Variants in NDUFAF6 observed in about 807,000 individuals in gnomAD.
NDUFAF6 encodes the protein NADH dehydrogenase (ubiquinone) complex I, assembly factor 6.
A neutral mutation model predicts 40.8 loss-of-function variants in NDUFAF6; 45 were observed. The observed-to-expected ratio is 1.10, with a 90% CI of 0.87 to 1.42. The LOEUF is 1.42. NDUFAF6 is among the 40% of genes most tolerant of loss of function. NDUFAF6 has a pLI of 0.00. For synonymous variants in NDUFAF6, 185 were observed against 155.9 expected, an observed-to-expected ratio of 1.19 and a Z score of -1.39; for missense variants, 435 against 418.5, an observed-to-expected ratio of 1.04 and a Z score of -0.34.
At chr8:94,977,023 C>T (rs2131560033) in intron 1 of NDUFAF6, among the ~76,000 whole-genome samples, 1 of 151,412 alleles carries the variant, frequency 6.6e-6, no homozygotes, top group South Asian at 2.1e-4. Flanking sequence ...TGGTGGCACA[C>T]ACCTGTGGTC....
intron 2 of NDUFAF6, among the ~76,000 whole-genome samples, chr8:95,082,413 G>GAGA (rs1808900400): frequency 6.6e-6 from 1 of 152,184 alleles, no homozygotes; most frequent in Non-Finnish European, 1.5e-5. Context: ...GGAGTAAATA[G>GAGA]AGAGGCCCTG....
chr8:94,977,377 G>A (rs1825049557), intron 1 of NDUFAF6, among the ~76,000 whole-genome samples: 1 of 151,738 alleles, frequency 6.6e-6, no homozygotes, highest in Non-Finnish European at 1.5e-5. Context: ...AGCTGGGTGT[G>A]GTGGCACACA....
rs1810087931 is a variant in NDUFAF6, at chr8:95,114,609, G to A, written n.345-927G>A. Among the ~76,000 whole-genome samples, 6 of 152,172 alleles carry A rather than the reference G, an allele frequency of 3.9e-5. No homozygotes were observed. In the South Asian group the frequency reaches 6.2e-4, roughly 16 times the overall value. ...CAAAAGCTGAGCTATTTCAGTGACT[G>A]TACTTATGAGTCATCTTGCTGACTT... On this transcript the variant is annotated intron_variant and non_coding_transcript_variant, in intron 4 of 5. Transcript: ENST00000523184.
chr8:95,043,568 A>G (rs577638752), intron 4 of NDUFAF6, among the ~76,000 whole-genome samples: 16 of 152,228 alleles, frequency 1.1e-4, no homozygotes, highest in Non-Finnish European at 2.1e-4. Context: ...AAAATGGGGA[A>G]AGGATTTGAG....
At chr8:95,006,466 A>T (rs1826991680) in intron 2 of NDUFAF6, among the ~76,000 whole-genome samples, 1 of 152,026 alleles carries the variant, frequency 6.6e-6, no homozygotes, top group Non-Finnish European at 1.5e-5. Flanking sequence ...AGACTCCAGG[A>T]CTTGGTGTCC....
chr8:94,971,298 A>G (rs939858291), intron 1 of NDUFAF6, among the ~76,000 whole-genome samples: 3 of 152,206 alleles, frequency 2.0e-5, no homozygotes, highest in Admixed American at 6.5e-5. Flanking sequence ...CTTGACTCCA[A>G]AGGAATGAAA....
intron 2 of NDUFAF6, among the ~76,000 whole-genome samples, chr8:94,995,503 C>T (rs991538211): frequency 1.3e-5 from 2 of 152,098 alleles, no homozygotes; most frequent in African/African-American, 4.8e-5. Flanking sequence ...GTGGCTTGCA[C>T]CTGTAATCCC....
intron 1 of NDUFAF6, among the ~76,000 whole-genome samples, chr8:94,920,521 G>C (rs1204701584): frequency 6.6e-6 from 1 of 152,222 alleles, no homozygotes; most frequent in East Asian, 1.9e-4. Flanking sequence ...CACTGGAGCA[G>C]TGATTGCAGT....
intron 2 of NDUFAF6, among the ~76,000 whole-genome samples, chr8:95,010,925 G>A (rs1344839420): frequency 2.6e-5 from 4 of 152,236 alleles, no homozygotes; most frequent in Non-Finnish European, 5.9e-5. Context: ...AATCAGACTT[G>A]ATGAAGACTC....
downstream of NDUFAF6, among the ~76,000 whole-genome samples, chr8:95,080,494 G>GGTAGTGTATTTTT (rs1808803005): frequency 7.1e-6 from 1 of 140,126 alleles, no homozygotes; most frequent in African/African-American, 2.7e-5. Context: ...AGTGATTTTT[G>GGTAGTGTATTTTT]GTAGTGATTT....
chr8:94,904,859 C>T (rs1818287386), intron 1 of NDUFAF6, among the ~76,000 whole-genome samples: 1 of 151,852 alleles, frequency 6.6e-6, no homozygotes. Flanking sequence ...ACTGTCATTG[C>T]CTTATTACAT....
chr8:94,946,718 A>AAAAAAAAAAAAAAAAAAAAAAAAAAAC (rs1822048638), intron 2 of NDUFAF6, among the ~76,000 whole-genome samples: 1 of 149,676 alleles, frequency 6.7e-6, no homozygotes, highest in Non-Finnish European at 1.5e-5. Flanking sequence ...AAAAAAAAAA[A>AAAAAAAAAAAAAAAAAAAAAAAAAAAC]AAGACAGGCC....
intron 2 of NDUFAF6, among the ~76,000 whole-genome samples, chr8:94,992,758 T>A (rs902280320): frequency 2.0e-5 from 3 of 152,220 alleles, no homozygotes; most frequent in Non-Finnish European, 4.4e-5. Context: ...AACATTCTTT[T>A]GGTTCGCTCA....
chr8:95,032,271 C>T (rs1467151773), intron 2 of NDUFAF6, among the ~76,000 whole-genome samples, 177 bp downstream of exon 2: 1 of 152,182 alleles, frequency 6.6e-6, no homozygotes. Flanking sequence ...AAAAATAAAA[C>T]TATCTAATGA....
intron 9 of NDUFAF6, among the ~76,000 whole-genome samples, chr8:95,072,473 T>C (rs1832898802): frequency 6.6e-6 from 1 of 152,228 alleles, no homozygotes; most frequent in Non-Finnish European, 1.5e-5. Flanking sequence ...ACACTGAGAT[T>C]TGTGGCTGCC....
chr8:94,972,110 AT>A (rs1824514462), intron 1 of NDUFAF6, among the ~76,000 whole-genome samples: 1 of 152,230 alleles, frequency 6.6e-6, no homozygotes, highest in Non-Finnish European at 1.5e-5. Flanking sequence ...AAAAACAAAG[AT>A]TCTGATAGTG....
At chr8:94,961,656 C>T (rs965614402) in intron 1 of NDUFAF6, among the ~76,000 whole-genome samples, 1 of 152,162 alleles carries the variant, frequency 6.6e-6, no homozygotes, top group East Asian at 1.9e-4. Flanking sequence ...AACTTCTGAC[C>T]TTGTGATCCA....
At chr8:94,896,232 A>G (rs929507528) in intron 1 of NDUFAF6, among the ~76,000 whole-genome samples, 2 of 148,490 alleles carry the variant, frequency 1.3e-5, no homozygotes, top group African/African-American at 2.4e-5. Flanking sequence ...AAAGATCGCC[A>G]CCACGTGCAG....
At chr8:95,052,317 T>G (rs1831529785) in intron 8 of NDUFAF6, 87 bp downstream of exon 8, 34 of 1,414,228 alleles carry the variant, frequency 2.4e-5, no homozygotes, top group Non-Finnish European at 3.4e-5. Context: ...CCCAATGAAC[T>G]TCTTTAGTTC....
Sources: allele counts gnomAD v4.1 joint callset (sites outside exome capture counted in the v4.1 genomes callset), GRCh38; gene constraint gnomAD v4.1.1; transcripts MANE v1.5; gene names NCBI Gene and HGNC (gene_info 2026-07-23, HGNC 2026-07-21).